Variants in CSNK2A2IP observed in about 807,000 individuals in gnomAD.
CSNK2A2IP encodes the protein casein kinase II subunit alpha'-interacting protein.
chr3:88,436,106 T>C, the CSNK2A2IP span, among the ~76,000 whole-genome samples: 1 of 152,080 alleles, frequency 6.6e-6, no homozygotes, highest in Non-Finnish European at 1.5e-5. Context: ...TCATATTTAC[T>C]GTATGATGTT....
At chr3:88,400,008 C>T in the CSNK2A2IP span, among the ~76,000 whole-genome samples, 2 of 151,982 alleles carry the variant, frequency 1.3e-5, no homozygotes, top group Non-Finnish European at 2.9e-5. Flanking sequence ...GTAATAGAAG[C>T]ATCATAAAAT....
the CSNK2A2IP span, among the ~76,000 whole-genome samples, chr3:88,383,914 C>T: frequency 3.3e-5 from 5 of 152,076 alleles, no homozygotes; most frequent in East Asian, 1.9e-4. Flanking sequence ...CTGCCTGCCT[C>T]GGCCTCCCAA....
At chr3:88,439,353 A>C in the CSNK2A2IP span, among the ~76,000 whole-genome samples, 2 of 151,984 alleles carry the variant, frequency 1.3e-5, no homozygotes, top group Non-Finnish European at 2.9e-5. Context: ...TTACAGTCTA[A>C]TAAAACAACA....
the CSNK2A2IP span, among the ~76,000 whole-genome samples, chr3:88,400,480 T>C: frequency 6.6e-6 from 1 of 152,206 alleles, no homozygotes; most frequent in Non-Finnish European, 1.5e-5. Flanking sequence ...AAAGGAACTT[T>C]GCAGGTGTGA....
the CSNK2A2IP span, chr3:88,465,279 T>A: frequency 1.2e-6 from 1 of 827,884 alleles, no homozygotes; most frequent in African/African-American, 1.8e-5. Flanking sequence ...TTTCCATGGA[T>A]TCCCGCTAAA....
At chr3:88,353,185 A>T in the CSNK2A2IP span, among the ~76,000 whole-genome samples, 3 of 152,120 alleles carry the variant, frequency 2.0e-5, no homozygotes, top group African/African-American at 7.2e-5. Context: ...TTTCAGCCCC[A>T]CATATCTCTG....
At chr3:88,398,341 T>A in the CSNK2A2IP span, among the ~76,000 whole-genome samples, 1 of 152,132 alleles carries the variant, frequency 6.6e-6, no homozygotes, top group Admixed American at 6.5e-5. Context: ...TTCTGTTTTA[T>A]CATGTGAACA....
chr3:88,381,405 A>C, the CSNK2A2IP span, among the ~76,000 whole-genome samples: 2 of 152,196 alleles, frequency 1.3e-5, no homozygotes, highest in Non-Finnish European at 2.9e-5. Context: ...CTCCTGAAAT[A>C]AAATTTCCTG....
the CSNK2A2IP span, chr3:88,338,680 G>A: frequency 6.6e-6 from 1 of 152,082 alleles, no homozygotes; most frequent in Non-Finnish European, 1.5e-5. Context: ...CTGTACAAGA[G>A]TGTGCTAAAG....
the CSNK2A2IP span, among the ~76,000 whole-genome samples, chr3:88,372,135 A>G: frequency 6.6e-6 from 1 of 151,668 alleles, no homozygotes. Flanking sequence ...CTATCTCTTA[A>G]TTTTCAATTT....
At chr3:88,360,234 C>T in the CSNK2A2IP span, among the ~76,000 whole-genome samples, 7 of 150,704 alleles carry the variant, frequency 4.6e-5, no homozygotes, top group African/African-American at 9.8e-5. Flanking sequence ...TCCAGGTTCA[C>T]GCCATTCTCC....
the CSNK2A2IP span, among the ~76,000 whole-genome samples, chr3:88,349,808 G>A: frequency 6.6e-6 from 1 of 151,978 alleles, no homozygotes; most frequent in African/African-American, 2.4e-5. Context: ...TTTTTTGTGT[G>A]TGTGTGTTTT....
At chr3:88,391,601 C>A in the CSNK2A2IP span, among the ~76,000 whole-genome samples, 1 of 152,110 alleles carries the variant, frequency 6.6e-6, no homozygotes, top group East Asian at 1.9e-4. Flanking sequence ...TGATTATGGT[C>A]ATAGCCAGAT....
the CSNK2A2IP span, among the ~76,000 whole-genome samples, chr3:88,359,058 GTTAC>G: frequency 2.0e-5 from 3 of 148,696 alleles, no homozygotes; most frequent in Non-Finnish European, 4.5e-5. Flanking sequence ...TGTAAGTATA[GTTAC>G]TTATGCTTCC....
At chr3:88,396,219 C>T in the CSNK2A2IP span, among the ~76,000 whole-genome samples, 2 of 151,292 alleles carry the variant, frequency 1.3e-5, no homozygotes, top group South Asian at 4.2e-4. Context: ...CATTCTCCTG[C>T]CTCAGCCTCC....
At chr3:88,447,546 G>A in the CSNK2A2IP span, among the ~76,000 whole-genome samples, 1 of 151,910 alleles carries the variant, frequency 6.6e-6, no homozygotes, top group African/African-American at 2.4e-5. Flanking sequence ...GGAAAATTAT[G>A]GGCTATGGAC....
At chr3:88,442,259 C>G in the CSNK2A2IP span, among the ~76,000 whole-genome samples, 2 of 152,042 alleles carry the variant, frequency 1.3e-5, no homozygotes, top group South Asian at 2.1e-4. Flanking sequence ...AGGCTGGTCT[C>G]CAACTCCTGG....
chr3:88,356,178 C>T, the CSNK2A2IP span, among the ~76,000 whole-genome samples: 1 of 152,098 alleles, frequency 6.6e-6, no homozygotes, highest in Non-Finnish European at 1.5e-5. Flanking sequence ...CTACTGAACA[C>T]TAGAACTTAT....
the CSNK2A2IP span, among the ~76,000 whole-genome samples, chr3:88,358,699 T>C: frequency 3.3e-5 from 5 of 152,196 alleles, no homozygotes; most frequent in Admixed American, 2.6e-4. Flanking sequence ...CACTTGATGA[T>C]AATGAATCTT....
Sources: allele counts gnomAD v4.1 joint callset (sites outside exome capture counted in the v4.1 genomes callset), GRCh38; gene constraint gnomAD v4.1.1; transcripts MANE v1.5; gene names NCBI Gene and HGNC (gene_info 2026-07-23, HGNC 2026-07-21).